TCF12: variants seen among roughly 807,000 people sequenced by gnomAD.
TCF12 encodes the protein transcription factor 12.
A neutral mutation model predicts 86.0 loss-of-function variants in TCF12; 45 were observed. The ratio of observed to expected loss-of-function variants is 0.52; its 90% CI spans 0.41 to 0.67. The LOEUF is 0.67. Among genes scored for constraint, TCF12 ranks in the 30% least tolerant of loss-of-function variants. The pLI is 0.00. For missense variants in TCF12, 881 were observed against 859.9 expected (o/e 1.02, Z -0.31); for synonymous variants, 330 against 299.6 (o/e 1.10, Z -1.05).
intron 3 of TCF12, among the ~76,000 whole-genome samples, chr15:57,061,272 C>G (rs1465555760): frequency 2.6e-5 from 4 of 152,112 alleles, no homozygotes; most frequent in African/African-American, 9.7e-5. Flanking sequence ...CATCTTTCCT[C>G]TCTCTCTGTT....
intron 4 of TCF12, among the ~76,000 whole-genome samples, chr15:57,075,629 T>C (rs1024248184): frequency 2.6e-5 from 4 of 152,042 alleles, no homozygotes; most frequent in Admixed American, 6.6e-5. Context: ...CCAGGACATA[T>C]TGTATAGCAA....
chr15:57,205,699 G>C (rs916135428), intron 8 of TCF12, among the ~76,000 whole-genome samples: 5 of 152,220 alleles, frequency 3.3e-5, no homozygotes, highest in African/African-American at 9.6e-5. Context: ...TAGTCGTTAA[G>C]TGAAAGATTT....
At chr15:57,261,064 A>G (rs546337609) in intron 16 of TCF12, among the ~76,000 whole-genome samples, 2 of 152,244 alleles carry the variant, frequency 1.3e-5, no homozygotes, top group Non-Finnish European at 2.9e-5. Context: ...ATTCTAATAC[A>G]TCGTGAAATT....
At chr15:57,270,880 G>T (rs1316560439) in intron 18 of TCF12, among the ~76,000 whole-genome samples, 3 of 152,170 alleles carry the variant, frequency 2.0e-5, no homozygotes, top group Non-Finnish European at 2.9e-5. Context: ...CTTTGCCTGG[G>T]TATCACCAGC....
chr15:57,275,844 C>G (rs1438775421), intron 19 of TCF12, among the ~76,000 whole-genome samples: 1 of 152,186 alleles, frequency 6.6e-6, no homozygotes, highest in Non-Finnish European at 1.5e-5. Flanking sequence ...AGACCCAGGT[C>G]TAGCAGTTCA....
In TCF12 at chr15:56,918,712, T is replaced by C. The variant is rs2059610296; in HGVS notation, c.-217T>C. ...CGCCTGAAGAGACCCACAAGTTCTATTCGGGGGGACCGACAGCCCGCCCCG... is the reference window on the plus strand; with the variant it reads ...CGCCTGAAGAGACCCACAAGTTCTACTCGGGGGGACCGACAGCCCGCCCCG... On this transcript the variant is annotated 5_prime_UTR_variant, in exon 1 of 21. Transcript: ENST00000333725. 1 of 167,404 alleles carries C rather than the reference T, an allele frequency of 6.0e-6. No homozygotes were observed. Among genetic ancestry groups the C allele is most frequent in the Non-Finnish European group, 1.3e-5 (1 of 76,984 alleles). The allele number at this position is 167,404 out of a possible 1,614,324, so 10.4% of individuals were successfully genotyped here.
At chr15:57,071,424 C>T (rs897995248) in intron 4 of TCF12, among the ~76,000 whole-genome samples, 1 of 151,940 alleles carries the variant, frequency 6.6e-6, no homozygotes. Flanking sequence ...GCAAGTGGAT[C>T]GCTTGAGTCC....
intron 3 of TCF12, among the ~76,000 whole-genome samples, chr15:57,041,547 C>G (rs1278820656): frequency 1.3e-5 from 2 of 152,044 alleles, no homozygotes; most frequent in Admixed American, 1.3e-4. Flanking sequence ...GACAAAGAAA[C>G]TAAGTTAAAC....
rs2248620 is a variant in TCF12 at position 57,232,558 on chromosome 15, G to A, written c.825+128G>A. 1,111,283 of 1,453,450 alleles carry A rather than the reference G, an allele frequency of 0.76. 427,070 individuals are homozygous for A. Among genetic ancestry groups the A allele is most frequent in the African/African-American group, 0.93 (65,108 of 69,836 alleles). The allele number at this position is 1,453,450 out of a possible 1,614,324, so 90.0% of individuals were successfully genotyped here. ...TTTGAAGTACTTCAAGGCTTACCGC[G>A]TTTACCATGCCTTTCTAAAAAATAA... On this transcript the variant is annotated intron_variant, in intron 10 of 20. Coordinates refer to ENST00000333725, the MANE Select transcript of TCF12 (RefSeq NM_207037.2).
chr15:56,927,273 C>T (rs1214462872), intron 3 of TCF12, among the ~76,000 whole-genome samples: 1 of 152,006 alleles, frequency 6.6e-6, no homozygotes, highest in Non-Finnish European at 1.5e-5. Context: ...AGAAGACCGT[C>T]TTTTTTCTGC....
intron 3 of TCF12, among the ~76,000 whole-genome samples, chr15:57,048,676 G>C (rs1400653070): frequency 6.6e-6 from 1 of 151,934 alleles, no homozygotes; most frequent in Non-Finnish European, 1.5e-5. Flanking sequence ...ATTTTGGTTT[G>C]TATCGAGTTA....
intron 18 of TCF12, among the ~76,000 whole-genome samples, chr15:57,270,132 G>T (rs1296200287): frequency 6.6e-6 from 1 of 152,126 alleles, no homozygotes. Flanking sequence ...AGTTCTCCTG[G>T]ATAATATCCT....
intron 11 of TCF12, among the ~76,000 whole-genome samples, chr15:57,233,142 A>G (rs1266977423): frequency 6.7e-6 from 1 of 149,974 alleles, no homozygotes; most frequent in Non-Finnish European, 1.5e-5. Flanking sequence ...ATATGTATAT[A>G]TATGTGTATA....
intron 5 of TCF12, among the ~76,000 whole-genome samples, chr15:57,132,119 C>A (rs1370148584): frequency 1.3e-5 from 2 of 152,056 alleles, no homozygotes; most frequent in Non-Finnish European, 2.9e-5. Flanking sequence ...CCACTACACT[C>A]CGGTTTGGGT....
At chr15:57,223,307 C>G (rs1277209836) in intron 8 of TCF12, among the ~76,000 whole-genome samples, 2 of 152,014 alleles carry the variant, frequency 1.3e-5, no homozygotes, top group African/African-American at 4.8e-5. Context: ...AAGGGCCAAA[C>G]TGAATTTATC....
rs35615435 is a variant in TCF12, at chr15:56,921,085, A to G, written c.135A>G (p.Gln45=). The stretch of plus-strand genomic sequence containing the variant: ...GACCAACTACACTGGGAAGCAGTCA[A>G]TTCAGTGGATCAGGTAAGATGATGT... ...KTRPTTLGSS[Q]FSGSGIDERG... Residue 45 remains glutamine (Q), a synonymous_variant, in exon 3 of 21, where the codon CAA becomes CAG. Transcript: ENST00000333725. 26,504 of 1,608,830 alleles carry G rather than the reference A, an allele frequency of 0.016. 2,158 individuals are homozygous for G. The East Asian group carries it at 0.28, about 17-fold the overall frequency.
chr15:57,196,591 C>T (rs1240090282), intron 7 of TCF12, among the ~76,000 whole-genome samples: 1 of 152,140 alleles, frequency 6.6e-6, no homozygotes, highest in African/African-American at 2.4e-5. Context: ...AAACCTGGAA[C>T]CCTGTGTTTA....
chr15:57,031,574 T>G (rs1341546152), intron 3 of TCF12, among the ~76,000 whole-genome samples: 1 of 152,206 alleles, frequency 6.6e-6, no homozygotes, highest in African/African-American at 2.4e-5. Context: ...CACACAGCAC[T>G]CTTTCTTTAG....
intron 16 of TCF12, among the ~76,000 whole-genome samples, chr15:57,259,452 C>T (rs1483014315): frequency 1.3e-5 from 2 of 152,236 alleles, no homozygotes; most frequent in Admixed American, 6.5e-5. Context: ...TTCACAAGAC[C>T]TCTCTTATTC....
Sources: allele counts gnomAD v4.1 joint callset (sites outside exome capture counted in the v4.1 genomes callset), GRCh38; gene constraint gnomAD v4.1.1; transcripts MANE v1.5; gene names NCBI Gene and HGNC (gene_info 2026-07-23, HGNC 2026-07-21).